Variants in ADAMTS19 observed in about 807,000 individuals in gnomAD.
ADAMTS19 encodes the protein A disintegrin and metalloproteinase with thrombospondin motifs 19.
Under a neutral mutation model 153.3 loss-of-function variants are expected in ADAMTS19, and 93 were observed. The observed-to-expected ratio is 0.61, with a 90% CI of 0.51 to 0.72. ADAMTS19 has a LOEUF of 0.72. Ranked by LOEUF, ADAMTS19 falls within the 30% of genes least tolerant of loss-of-function variation. The pLI is 0.00. For missense variants in ADAMTS19, 1,482 were observed against 1,552.1 expected (o/e 0.95, Z 0.76); for synonymous variants, 600 against 556.6 (o/e 1.08, Z -1.10).
chr5:129,588,907 C>A (rs937944124), intron 7 of ADAMTS19, among the ~76,000 whole-genome samples: 2 of 151,532 alleles, frequency 1.3e-5, no homozygotes, highest in African/African-American at 4.8e-5. Context: ...TCATTTTACC[C>A]GATATTTTCT....
chr5:129,587,663 A>T (rs79947403), intron 7 of ADAMTS19, among the ~76,000 whole-genome samples: 2 of 152,140 alleles, frequency 1.3e-5, no homozygotes, highest in African/African-American at 4.8e-5. Flanking sequence ...TTCCATGCCA[A>T]TTTTAGAATA....
At chr5:129,675,097 C>G (rs912391976) in intron 16 of ADAMTS19, among the ~76,000 whole-genome samples, 2 of 152,092 alleles carry the variant, frequency 1.3e-5, no homozygotes, top group African/African-American at 4.8e-5. Context: ...TGTATTAGTT[C>G]TGATGGTATA....
At chr5:129,605,311 T>C (rs552902055) in intron 8 of ADAMTS19, among the ~76,000 whole-genome samples, 1 of 152,240 alleles carries the variant, frequency 6.6e-6, no homozygotes, top group African/African-American at 2.4e-5. Flanking sequence ...CTAGCCTCCT[T>C]CCCTATAGCC....
Position 129,461,885 on chromosome 5 carries a change from A to G in ADAMTS19, c.747+128A>G. The G allele has an allele frequency of 7.6e-7, 1 of 1,312,454 alleles. No individual in the cohort carries two copies. The highest frequency in any genetic ancestry group is 9.8e-7 in the Non-Finnish European group (1 of 1,017,144). The allele number at this position is 1,312,454 out of a possible 1,614,324, so 81.3% of individuals were successfully genotyped here. On this transcript the variant is annotated intron_variant, in intron 2 of 22. Coordinates refer to ENST00000274487, the MANE Select transcript of ADAMTS19 (RefSeq NM_133638.6). This position sits in a 1 kb window ranked among gnomAD's most constrained non-coding sequence, Gnocchi z 4.6. ...CCTTTTGAGCTTGGCCCTAGACTGC[A>G]CCCCCAGGTGTCTACATCGTTTGCC...
At chr5:129,579,930 G>C (rs1749425811) in intron 7 of ADAMTS19, among the ~76,000 whole-genome samples, 1 of 151,954 alleles carries the variant, frequency 6.6e-6, no homozygotes, top group Non-Finnish European at 1.5e-5. Context: ...CTCTTTTTTG[G>C]CTCCATATGA....
intron 21 of ADAMTS19, among the ~76,000 whole-genome samples, chr5:129,724,431 A>G (rs966557508): frequency 5.9e-5 from 9 of 152,176 alleles, no homozygotes; most frequent in African/African-American, 2.2e-4. Context: ...CAGCAAATCC[A>G]TTGAGTCTAC....
chr5:129,572,539 A>G (rs1753947328), intron 7 of ADAMTS19, among the ~76,000 whole-genome samples: 1 of 152,064 alleles, frequency 6.6e-6, no homozygotes, highest in Admixed American at 6.6e-5. Flanking sequence ...TAACAGGTGA[A>G]TGGATAAACA....
At chr5:129,694,686 T>C in intron 18 of ADAMTS19, 34 bp from the exon 19 acceptor site, 1 of 1,490,990 alleles carries the variant, frequency 6.7e-7, no homozygotes, top group Non-Finnish European at 9.0e-7. Context: ...TAAAGGCTTA[T>C]AATAATATTT....
intron 18 of ADAMTS19, among the ~76,000 whole-genome samples, chr5:129,690,724 G>A (rs917711016): frequency 6.6e-6 from 1 of 152,038 alleles, no homozygotes; most frequent in Non-Finnish European, 1.5e-5. Flanking sequence ...TCAGAGAAAA[G>A]TCCTTCATCC....
chr5:129,654,447 A>G lies in ADAMTS19; in HGVS notation c.2304+14A>G, dbSNP rs779742237. On this transcript the variant is annotated intron_variant, in intron 14 of 22. Coordinates refer to ENST00000274487, the MANE Select transcript of ADAMTS19 (RefSeq NM_133638.6). ...GGCAGGTGCCAGGTAAGACATTCCA[A>G]AAAAAAAAAGAATTTATATGTTGAA... 4.6e-6 allele frequency: 7 copies of G among 1,530,846 alleles called. No homozygotes were observed. Among genetic ancestry groups the G allele is most frequent in the Non-Finnish European group, 6.2e-6 (7 of 1,126,166 alleles). 94.8% of individuals were successfully genotyped at this position (1,530,846 alleles called of 1,614,324 possible).
At chr5:129,614,060 A>G (rs936045122) in intron 8 of ADAMTS19, among the ~76,000 whole-genome samples, 1 of 152,152 alleles carries the variant, frequency 6.6e-6, no homozygotes, top group African/African-American at 2.4e-5. Flanking sequence ...TACCAACCAA[A>G]AAAAGTCCAA....
chr5:129,715,887 A>G (rs959780409), intron 21 of ADAMTS19, among the ~76,000 whole-genome samples: 9 of 152,116 alleles, frequency 5.9e-5, no homozygotes, highest in Admixed American at 1.3e-4. Flanking sequence ...ATTTCAAAGT[A>G]TATGTGTACC....
At chr5:129,668,506 A>G (rs1754152488) in intron 16 of ADAMTS19, among the ~76,000 whole-genome samples, 1 of 152,160 alleles carries the variant, frequency 6.6e-6, no homozygotes, top group African/African-American at 2.4e-5. Context: ...ATGTCCTCAC[A>G]TGGTGGAAGG....
chr5:129,600,215 A>G (rs1750583037), intron 8 of ADAMTS19, among the ~76,000 whole-genome samples: 1 of 151,954 alleles, frequency 6.6e-6, no homozygotes, highest in Admixed American at 6.6e-5. Context: ...GCACCCGTAC[A>G]CACACACACA....
intron 3 of ADAMTS19, among the ~76,000 whole-genome samples, chr5:129,522,305 A>G (rs1581034283): frequency 1.0e-5 from 1 of 97,354 alleles, no homozygotes; most frequent in East Asian, 2.9e-4. Flanking sequence ...GTGTGTATAT[A>G]TATATATATA....
intron 22 of ADAMTS19, among the ~76,000 whole-genome samples, chr5:129,736,175 A>C (rs1757656111): frequency 6.6e-6 from 1 of 152,052 alleles, no homozygotes; most frequent in Non-Finnish European, 1.5e-5. Context: ...ATAGCAGTAT[A>C]ATTCCTTTCT....
chr5:129,596,455 A>G, intron 7 of ADAMTS19, 104 bp from the exon 8 acceptor site: 1 of 781,646 alleles, frequency 1.3e-6, no homozygotes, highest in East Asian at 2.7e-5. Context: ...TAATACTGAC[A>G]TTTTAGTCGT....
chr5:129,682,570 T>C (rs1360594051), intron 17 of ADAMTS19, among the ~76,000 whole-genome samples: 1 of 152,214 alleles, frequency 6.6e-6, no homozygotes, highest in African/African-American at 2.4e-5. Flanking sequence ...TATTTACATG[T>C]TCATCCCATT....
chr5:129,601,269 T>G (rs1293078827), intron 8 of ADAMTS19, among the ~76,000 whole-genome samples: 3 of 152,200 alleles, frequency 2.0e-5, no homozygotes, highest in African/African-American at 7.2e-5. Flanking sequence ...AATTGGGATC[T>G]TCATAATTTA....
Sources: gnomAD v4.1 joint callset for allele counts (sites outside exome capture counted in the v4.1 genomes callset) on GRCh38, gnomAD v4.1.1 for gene constraint, Gnocchi (gnomAD v3.1) non-coding constraint, MANE v1.5 for transcripts, NCBI Gene and HGNC (gene_info 2026-07-23, HGNC 2026-07-21) for gene names.